The following RIMS3 variants were observed in gnomAD, a reference collection of about 807,000 sequenced individuals.
RIMS3 encodes regulating synaptic membrane exocytosis 3, also known as regulating synaptic membrane exocytosis protein 3.
In RIMS3, 15 loss-of-function variants were observed where a neutral mutation model predicts 29.2. The observed-to-expected ratio is 0.51, with a 90% confidence interval of 0.34 to 0.79. The LOEUF (loss-of-function observed/expected upper bound fraction) is 0.79. Ranked by LOEUF, RIMS3 falls within the 30% of genes least tolerant of loss-of-function variation. The probability of loss-of-function intolerance (pLI) is 0.01; values close to 1 mark genes in which losing one functional copy is unlikely to be tolerated. For missense variants in RIMS3, 342 were observed against 421.4 expected (o/e 0.81, Z 1.65); for synonymous variants, 161 against 170.1 (o/e 0.95, Z 0.41).
intron 5 of RIMS3, among the ~76,000 whole-genome samples, chr1:40,629,843 G>A (rs1225551050): frequency 6.6e-6 from 1 of 152,086 alleles, no homozygotes; most frequent in Non-Finnish European, 1.5e-5. Flanking sequence ...TTGGGAGGCA[G>A]AGGCGGGCAG....
In RIMS3 at chr1:40,654,544, A is replaced by G. The variant is rs756916215; in HGVS notation, c.-206-6702T>C. Reference sequence around the variant, plus strand: ...GCAATCCACCTAGACAGGCACTCACAGAGCACACACATGCACACAAAAACA... The same window carrying G: ...GCAATCCACCTAGACAGGCACTCACGGAGCACACACATGCACACAAAAACA... On this transcript the variant is annotated intron_variant, in intron 1 of 7. Coordinates refer to ENST00000372684, the MANE Select transcript of RIMS3 (RefSeq NM_014747.3). The surrounding 1 kb of genome is among the most constrained non-coding windows in gnomAD (Gnocchi z 5.3). 6.6e-5 allele frequency among the ~76,000 whole-genome samples: 10 copies of G among 152,058 alleles called. No individual in the cohort carries two copies. The highest frequency in any genetic ancestry group is 1.3e-4 in the Admixed American group (2 of 15,266).
At chr1:40,633,747 C>T (rs1249687342) in intron 4 of RIMS3, among the ~76,000 whole-genome samples, 1 of 152,206 alleles carries the variant, frequency 6.6e-6, no homozygotes, top group African/African-American at 2.4e-5. Flanking sequence ...ACAAGAAAAG[C>T]TGACAGTGAT....
At chr1:40,682,629 A>G in the RIMS3 span, among the ~76,000 whole-genome samples, 1 of 151,550 alleles carries the variant, frequency 6.6e-6, no homozygotes, top group Non-Finnish European at 1.5e-5. Context: ...CAAAAGGTAG[A>G]TGGATAGCTG....
intron 1 of RIMS3, among the ~76,000 whole-genome samples, chr1:40,656,722 G>A (rs1642278019): frequency 6.6e-6 from 1 of 151,236 alleles, no homozygotes; most frequent in South Asian, 2.1e-4. Context: ...GGCAGAGGTT[G>A]TGGTGAGCTG....
chr1:40,679,806 G>A, the RIMS3 span, among the ~76,000 whole-genome samples: 1 of 152,126 alleles, frequency 6.6e-6, no homozygotes, highest in Non-Finnish European at 1.5e-5. Context: ...AAGAAAACAT[G>A]CAGGCCCTGG....
intron 7 of RIMS3, 24 bp downstream of exon 7, chr1:40,628,786 C>T (rs199663264): frequency 1.2e-6 from 2 of 1,614,108 alleles, no homozygotes; most frequent in Admixed American, 3.3e-5. Context: ...GTCCACCCTG[C>T]CCTACTTGCC....
At chr1:40,642,100 G>C in intron 2 of RIMS3, 144 bp from the exon 3 acceptor site, 1 of 606,466 alleles carries the variant, frequency 1.6e-6, no homozygotes, top group Non-Finnish European at 3.0e-6. Flanking sequence ...CAAATGTCAA[G>C]AGCATGCACA....
the RIMS3 span, among the ~76,000 whole-genome samples, chr1:40,680,509 T>C: frequency 6.6e-6 from 1 of 151,970 alleles, no homozygotes; most frequent in Non-Finnish European, 1.5e-5. Flanking sequence ...TTTTTGTATT[T>C]TGAGTAGACA....
At chr1:40,631,602 C>T (rs1201515668) in intron 5 of RIMS3, among the ~76,000 whole-genome samples, 1 of 152,138 alleles carries the variant, frequency 6.6e-6, no homozygotes, top group Non-Finnish European at 1.5e-5. Flanking sequence ...TTGCTTGGAC[C>T]TGGGAGGTGG....
the RIMS3 span, chr1:40,690,684 T>A: frequency 6.6e-6 from 1 of 152,258 alleles, no homozygotes; most frequent in African/African-American, 2.4e-5. Flanking sequence ...GAGGGTTTAC[T>A]CCACTATTCT....
At chr1:40,646,473 T>C (rs1432397214) in intron 2 of RIMS3, among the ~76,000 whole-genome samples, 2 of 152,144 alleles carry the variant, frequency 1.3e-5, no homozygotes, top group Admixed American at 1.3e-4. Flanking sequence ...CCTTCACCAA[T>C]TCCCTGCTTC....
chr1:40,675,796 C>CA, the RIMS3 span, among the ~76,000 whole-genome samples: 1 of 149,060 alleles, frequency 6.7e-6, no homozygotes, highest in Admixed American at 6.7e-5. Flanking sequence ...GGCATAGTGA[C>CA]ACATGCCTGT....
At chr1:40,648,990 T>C (rs770744667) in intron 1 of RIMS3, among the ~76,000 whole-genome samples, 2 of 152,132 alleles carry the variant, frequency 1.3e-5, no homozygotes, top group Non-Finnish European at 2.9e-5. Context: ...GGAAAGGGGC[T>C]CCTTCGGCTC....
chr1:40,644,773 T>C (rs999576432), intron 2 of RIMS3, among the ~76,000 whole-genome samples: 6 of 152,348 alleles, frequency 3.9e-5, no homozygotes, highest in East Asian at 1.9e-4. Flanking sequence ...CTACTGGCTC[T>C]GTCCTAGCCC....
At chr1:40,665,248 G>A (rs1642407163) in intron 1 of RIMS3, 146 bp downstream of exon 1, 1 of 135,830 alleles carries the variant, frequency 7.4e-6, no homozygotes. Context: ...CTCACACCCT[G>A]TGTTCATCCC....
intron 4 of RIMS3, among the ~76,000 whole-genome samples, chr1:40,634,943 A>C (rs1374356996): frequency 6.7e-6 from 1 of 149,386 alleles, no homozygotes; most frequent in African/African-American, 2.4e-5. Flanking sequence ...CTCCATCACA[A>C]AAAAAAAAAA....
intron 2 of RIMS3, among the ~76,000 whole-genome samples, chr1:40,645,084 C>T (rs541350998): frequency 1.1e-3 from 169 of 152,286 alleles, no homozygotes; most frequent in African/African-American, 3.9e-3. Context: ...CGATCTCATT[C>T]GCCCTGTGAC....
At chr1:40,678,025 C>G in the RIMS3 span, among the ~76,000 whole-genome samples, 1 of 152,188 alleles carries the variant, frequency 6.6e-6, no homozygotes, top group Admixed American at 6.5e-5. Context: ...TTGGAAAACA[C>G]TGTTTTCTTG....
chr1:40,663,411 A>T (rs1036870027), intron 1 of RIMS3, among the ~76,000 whole-genome samples: 5 of 152,032 alleles, frequency 3.3e-5, no homozygotes, highest in African/African-American at 7.2e-5. Flanking sequence ...GTGGCTGGGG[A>T]GTGGGGCAGG....
Sources: allele counts gnomAD v4.1 joint callset (sites outside exome capture counted in the v4.1 genomes callset), GRCh38; gene constraint gnomAD v4.1.1; non-coding constraint Gnocchi (gnomAD v3.1); transcripts MANE v1.5; gene names NCBI Gene and HGNC (gene_info 2026-07-23, HGNC 2026-07-21).